COQ6: variants seen among roughly 807,000 people sequenced by gnomAD.
COQ6 encodes the protein coenzyme Q6, monooxygenase, also known as ubiquinone biosynthesis monooxygenase COQ6, mitochondrial.
A neutral mutation model predicts 55.5 loss-of-function variants in COQ6; 45 were observed. The ratio of observed to expected loss-of-function variants is 0.81; its 90% CI spans 0.64 to 1.04. The LOEUF is 1.04. COQ6 is among the 50% of genes least tolerant of loss of function. COQ6 has a pLI of 0.00. For missense variants in COQ6, 550 were observed against 601.3 expected, an observed-to-expected ratio of 0.91 and a Z score of 0.89; for synonymous variants, 206 against 230.5, an observed-to-expected ratio of 0.89 and a Z score of 0.96.
Position 73,963,195 on chromosome 14 carries a change from G to T in COQ6, c.*196G>T. 2 of 616,592 alleles carry T rather than the reference G, an allele frequency of 3.2e-6. No individual in the cohort carries two copies. The highest frequency in any genetic ancestry group is 2.9e-6 in the Non-Finnish European group (1 of 345,684). 38.2% of individuals were successfully genotyped at this position (616,592 alleles called of 1,614,324 possible). ...TGCTGTGAGGAGCGTATATTAGCCA[G>T]ACCAAAGGAAAAAACTTCGAAGGAA... is the stretch of plus-strand genomic sequence containing the variant. On this transcript the variant is annotated 3_prime_UTR_variant, in exon 12 of 12. Transcript: ENST00000334571.
At chr14:73,956,151 T>A in intron 4 of COQ6, 1 of 465,816 alleles carries the variant, frequency 2.1e-6, no homozygotes, top group Non-Finnish European at 4.0e-6. Context: ...GGTGAAACCC[T>A]GTCTCTACTA....
chr14:73,960,170 C>A (rs2056647499), intron 8 of COQ6: 1 of 987,830 alleles, frequency 1.0e-6, no homozygotes, highest in Non-Finnish European at 1.2e-6. Flanking sequence ...GAAAGTATTC[C>A]TAGGGAAAGG....
intron 8 of COQ6, 57 bp downstream of exon 8, chr14:73,959,579 TTG>T (rs1594806495): frequency 4.3e-6 from 7 of 1,612,888 alleles, no homozygotes; most frequent in Middle Eastern, 1.7e-4. Context: ...CAGAAAGGTG[TTG>T]TTTTTTTTTT....
At chr14:73,962,436 G>A (rs2056787613) in intron 11 of COQ6, among the ~76,000 whole-genome samples, 1 of 152,108 alleles carries the variant, frequency 6.6e-6, no homozygotes. Flanking sequence ...GCACATGCCT[G>A]TAGTCCTAGC....
At chr14:73,956,125 C>A in intron 4 of COQ6, 197 bp downstream of exon 4, 1 of 589,522 alleles carries the variant, frequency 1.7e-6, no homozygotes, top group Non-Finnish European at 3.0e-6. Flanking sequence ...GAGATGGAGA[C>A]CATCCTGGCT....
At chr14:73,962,015 T>A in intron 11 of COQ6, 112 bp downstream of exon 11, 1 of 1,240,632 alleles carries the variant, frequency 8.1e-7, no homozygotes, top group Non-Finnish European at 1.2e-6. Flanking sequence ...TGGCACAATT[T>A]CCACTCACTG....
At chr14:73,961,118 T>C (rs2056704607) in intron 8 of COQ6, 55 bp from the exon 9 acceptor site, 2 of 1,571,298 alleles carry the variant, frequency 1.3e-6, no homozygotes, top group African/African-American at 1.3e-5. Flanking sequence ...ATTGAATTTT[T>C]AATTCCCTGC....
chr14:73,955,440 T>G lies in COQ6; in HGVS notation c.299-11T>G. 1 of 1,613,308 alleles carries G rather than the reference T, an allele frequency of 6.2e-7. No individual in the cohort carries two copies. Reference sequence around the variant, plus strand: ...GAAGTCACTCTGGTCTATAGATCCTTTCTTTTGTAGGTTTTGGTGCCTGGG... The same window carrying G: ...GAAGTCACTCTGGTCTATAGATCCTGTCTTTTGTAGGTTTTGGTGCCTGGG... On this transcript the variant is annotated splice_polypyrimidine_tract_variant and intron_variant, in intron 2 of 11. Coordinates refer to ENST00000334571, the MANE Select transcript of COQ6 (RefSeq NM_182476.3).
Position 73,950,415 on chromosome 14 carries a change from C to G in COQ6, c.83C>G (p.Ser28Cys), listed in dbSNP as rs754733483. The change falls in exon 1 of 12, where the codon TCC becomes TGC. Residue 28 changes from serine to cysteine, a missense_variant. Transcript: ENST00000334571. ...CCGCTGGTGTCCTGGCGCAGGTGGT[C>G]CGGCGCCTCAACAGACACCGTGTAT... Reference protein sequence around the residue: ...SGPLVSWRRWSGASTDTVYDV... With the variant: ...SGPLVSWRRWCGASTDTVYDV... The G allele has an allele frequency of 1.9e-6, 3 of 1,599,250 alleles. No individual in the cohort carries two copies. Among genetic ancestry groups the G allele is most frequent in the Non-Finnish European group, 1.7e-6 (2 of 1,173,138 alleles).
chr14:73,962,809 C>A, intron 11 of COQ6, 161 bp from the exon 12 acceptor site: 1 of 646,250 alleles, frequency 1.5e-6, no homozygotes, highest in Non-Finnish European at 2.8e-6. Context: ...AGAGTGAGAC[C>A]CTGTCTCTAA....
In COQ6 at chr14:73,963,366, T is replaced by TTTGA. The variant is rs1292514588; in HGVS notation, c.*369_*372dup. On this transcript the variant is annotated 3_prime_UTR_variant, in exon 12 of 12. Transcript: ENST00000334571. ...TGGTCATAAATTTATACAGTTGTTT[T>TTTGA]TTGATAGAGGTAAGAATTAGACTCG... 4 of 371,516 alleles carry TTTGA rather than the reference T, an allele frequency of 1.1e-5. No homozygotes were observed. The highest frequency in any genetic ancestry group is 9.1e-5 in the East Asian group (2 of 21,956). The allele number at this position is 371,516 out of a possible 1,614,324, so 23.0% of individuals were successfully genotyped here. A position where few individuals can be genotyped will look rare whatever the true frequency, so the allele number is the denominator to read the frequency against.
chr14:73,955,781 CAG>C (rs1219654218), intron 3 of COQ6, 22 bp from the exon 4 acceptor site: 2 of 1,614,130 alleles, frequency 1.2e-6, no homozygotes, highest in Non-Finnish European at 1.7e-6. Context: ...GGTTTTAATG[CAG>C]ACTTTCCTTT....
chr14:73,951,719 T>C (rs575174790), intron 1 of COQ6, among the ~76,000 whole-genome samples: 5 of 149,652 alleles, frequency 3.3e-5, no homozygotes, highest in African/African-American at 9.8e-5. Flanking sequence ...CCCAAGACAA[T>C]TCTTCCACTG....
intron 1 of COQ6, among the ~76,000 whole-genome samples, chr14:73,952,381 C>G (rs2056237908): frequency 6.6e-6 from 1 of 152,016 alleles, no homozygotes; most frequent in South Asian, 2.1e-4. Context: ...CTCAGTCTCC[C>G]AAAGTGCTGG....
Position 73,950,374 on chromosome 14 carries a change from A to T in COQ6, c.42A>T (p.Ala14=). ...TCAGCCGATGCGGGGCTGTGCGTGC[A>T]GCTCCCCACAGCGGCCCGCTGGTGT... ...RLVSRCGAVR[A]APHSGPLVSW... Residue 14 remains alanine, a synonymous_variant, in exon 1 of 12, where the codon GCA becomes GCT. Coordinates refer to ENST00000334571, the MANE Select transcript of COQ6 (RefSeq NM_182476.3). 6.4e-7 allele frequency: 1 copy of T among 1,565,184 alleles called. No individual in the cohort carries two copies. Among genetic ancestry groups the T allele is most frequent in the Non-Finnish European group, 8.6e-7 (1 of 1,156,608 alleles).
chr14:73,950,353 C>G lies in COQ6; in HGVS notation c.21C>G (p.Ser7Arg). The G allele has an allele frequency of 2.6e-6, 4 of 1,556,100 alleles. No individual in the cohort carries two copies. Among genetic ancestry groups the G allele is most frequent in the Non-Finnish European group, 3.5e-6 (4 of 1,153,202 alleles). Residue 7 changes from serine to arginine, a missense_variant, in exon 1 of 12, where the codon AGC becomes AGG. Ser to Arg is a moderately radical substitution (Grantham distance 110). Coordinates refer to ENST00000334571, the MANE Select transcript of COQ6 (RefSeq NM_182476.3). MAARLV[S>R]RCGAVRAAPH... is the part of the protein sequence containing the mutation. ...GCACCATGGCGGCCCGGCTTGTCAG[C>G]CGATGCGGGGCTGTGCGTGCAGCTC... is the stretch of plus-strand genomic sequence containing the variant.
At position 73,961,734 on chromosome 14, in the gene COQ6, C is replaced by T. The variant is rs2056746420; in HGVS notation, c.1211-3C>T. The T allele has an allele frequency of 6.2e-7, 1 of 1,614,156 alleles. No homozygotes were observed. Among genetic ancestry groups the T allele is most frequent in the Non-Finnish European group, 8.5e-7 (1 of 1,179,986 alleles). ...GGGATTTAATCTTTCCTCTGCCCTT[C>T]AGGTTCCGTGAGCCACCTCACAGGT... On this transcript the variant is annotated splice_polypyrimidine_tract_variant and splice_region_variant and intron_variant, in intron 10 of 11. Transcript: ENST00000334571.
intron 8 of COQ6, 150 bp from the exon 9 acceptor site, chr14:73,961,023 C>A: frequency 1.1e-6 from 1 of 899,756 alleles, no homozygotes; most frequent in Non-Finnish European, 1.8e-6. Context: ...TTGCTTTGCA[C>A]TTGAGGGGCT....
At chr14:73,950,004 C>T (rs371071073), upstream of COQ6, 1 of 1,613,166 alleles carries the variant, frequency 6.2e-7, no homozygotes, top group Non-Finnish European at 8.5e-7. Context: ...TCCGGGGGCT[C>T]CCTCAGGCCT....
Sources: gnomAD v4.1 joint callset for allele counts (sites outside exome capture counted in the v4.1 genomes callset) on GRCh38, gnomAD v4.1.1 for gene constraint, MANE v1.5 for transcripts, NCBI Gene and HGNC (gene_info 2026-07-23, HGNC 2026-07-21) for gene names.